The following ARHGAP10 variants were observed in gnomAD, a reference collection of about 807,000 sequenced individuals.
ARHGAP10 encodes rho GTPase-activating protein 10.
A neutral mutation model predicts 108.6 loss-of-function variants in ARHGAP10; 87 were observed. That is an observed-to-expected ratio of 0.80 (90% confidence interval 0.67 to 0.96). ARHGAP10 has a LOEUF of 0.96. Among genes scored for constraint, ARHGAP10 ranks in the 40% least tolerant of loss-of-function variants. The pLI, the probability that ARHGAP10 is intolerant of heterozygous loss-of-function variation, is 0.00. For missense variants in ARHGAP10, 939 were observed against 954.5 expected, an observed-to-expected ratio of 0.98 and a Z score of 0.21; for synonymous variants, 347 against 341.1, an observed-to-expected ratio of 1.02 and a Z score of -0.19.
intron 1 of ARHGAP10, among the ~76,000 whole-genome samples, chr4:147,769,406 T>A (rs962075868): frequency 1.3e-5 from 2 of 152,212 alleles, no homozygotes; most frequent in African/African-American, 2.4e-5. Flanking sequence ...AAGGTTTTCA[T>A]GTTTCTCTGT....
At chr4:147,900,728 C>A (rs1426772792) in intron 10 of ARHGAP10, among the ~76,000 whole-genome samples, 1 of 152,152 alleles carries the variant, frequency 6.6e-6, no homozygotes, top group Non-Finnish European at 1.5e-5. Context: ...CTAATGGAGT[C>A]ACTAGTGTTA....
intron 1 of ARHGAP10, among the ~76,000 whole-genome samples, chr4:147,783,331 T>C (rs926867740): frequency 7.0e-6 from 1 of 141,956 alleles, no homozygotes; most frequent in African/African-American, 2.5e-5. Context: ...TTATGTATTG[T>C]ATAATTTATA....
intron 18 of ARHGAP10, among the ~76,000 whole-genome samples, chr4:148,022,642 CATT>C (rs1407558642): frequency 2.0e-5 from 3 of 151,994 alleles, no homozygotes; most frequent in Non-Finnish European, 4.4e-5. Flanking sequence ...CTGTGAATGA[CATT>C]ATAGATAGAT....
At chr4:147,936,265 T>C (rs187960158) in intron 13 of ARHGAP10, among the ~76,000 whole-genome samples, 358 of 152,094 alleles carry the variant, frequency 2.4e-3, no homozygotes, top group Non-Finnish European at 4.4e-3. Context: ...CTTAGCAACT[T>C]TCTTTTCTTT....
chr4:147,747,236 A>G (rs1355568884), intron 1 of ARHGAP10, among the ~76,000 whole-genome samples: 1 of 151,984 alleles, frequency 6.6e-6, no homozygotes, highest in East Asian at 1.9e-4. Flanking sequence ...TTGGATGTCT[A>G]CAGGGAATAA....
chr4:148,008,341 T>A (rs188940167), intron 18 of ARHGAP10, among the ~76,000 whole-genome samples: 1 of 152,220 alleles, frequency 6.6e-6, no homozygotes, highest in Admixed American at 6.6e-5. Flanking sequence ...TAACAGTTAC[T>A]GAATTAGAGC....
intron 1 of ARHGAP10, among the ~76,000 whole-genome samples, chr4:147,794,694 C>T (rs1340551117): frequency 1.3e-5 from 2 of 152,194 alleles, no homozygotes; most frequent in Admixed American, 6.5e-5. Flanking sequence ...TGTTCATTCC[C>T]ATTGCCATTG....
chr4:147,844,233 T>TATG (rs1733540965), intron 3 of ARHGAP10, among the ~76,000 whole-genome samples: 1 of 152,174 alleles, frequency 6.6e-6, no homozygotes, highest in Non-Finnish European at 1.5e-5. Context: ...TATATATATT[T>TATG]ATGGGGTTAT....
rs113701023 is a variant in ARHGAP10 at position 147,827,751 on chromosome 4, G to A, written c.312+4794G>A. On this transcript the variant is annotated intron_variant, in intron 3 of 22. Transcript: ENST00000336498. ...AAGGAATGCAAAATGACTGTAAAAT[G>A]GAGGTAGAAATAGTCTAAAATTGGT... is the stretch of plus-strand genomic sequence containing the variant. Among the ~76,000 whole-genome samples the A allele has an allele frequency of 3.1e-3, 468 of 152,242 alleles. 1 individual carries two copies. The highest frequency in any genetic ancestry group is 0.01 in the African/African-American group (435 of 41,540).
chr4:147,862,608 G>C (rs1734370692), intron 5 of ARHGAP10: 1 of 152,262 alleles, frequency 6.6e-6, no homozygotes, highest in African/African-American at 2.4e-5. Context: ...CAGGGATTCT[G>C]GTGATTTAAT....
chr4:147,831,574 G>A (rs889975449), intron 3 of ARHGAP10, among the ~76,000 whole-genome samples: 2 of 152,184 alleles, frequency 1.3e-5, no homozygotes, highest in Admixed American at 1.3e-4. Context: ...ACTTATTTGT[G>A]AGAACATTTC....
At chr4:147,757,480 G>A (rs1385043133) in intron 1 of ARHGAP10, among the ~76,000 whole-genome samples, 1 of 152,166 alleles carries the variant, frequency 6.6e-6, no homozygotes, top group African/African-American at 2.4e-5. Context: ...ACAGGTGTGA[G>A]CCACCGCGCC....
intron 3 of ARHGAP10, among the ~76,000 whole-genome samples, chr4:147,826,082 G>A (rs1732697053): frequency 6.6e-6 from 1 of 152,200 alleles, no homozygotes; most frequent in African/African-American, 2.4e-5. Flanking sequence ...CTTTTCAGTA[G>A]GATACTGCAC....
intron 16 of ARHGAP10, among the ~76,000 whole-genome samples, chr4:147,960,939 T>G (rs2126991115): frequency 6.6e-6 from 1 of 152,370 alleles, no homozygotes; most frequent in African/African-American, 2.4e-5. Flanking sequence ...CACAATAGAT[T>G]TATCTGTTCT....
At chr4:147,975,414 C>T (rs993473546) in intron 18 of ARHGAP10, among the ~76,000 whole-genome samples, 2 of 152,168 alleles carry the variant, frequency 1.3e-5, no homozygotes, top group African/African-American at 2.4e-5. Flanking sequence ...TCCCATATGT[C>T]TTAGTCTGTA....
chr4:147,982,685 G>A (rs914659777), intron 18 of ARHGAP10, among the ~76,000 whole-genome samples: 6 of 151,138 alleles, frequency 4.0e-5, no homozygotes, highest in Admixed American at 1.3e-4. Context: ...ACAGGTGTGA[G>A]CCACCACACC....
intron 9 of ARHGAP10, among the ~76,000 whole-genome samples, chr4:147,879,930 T>G (rs1411303335): frequency 6.6e-6 from 1 of 152,232 alleles, no homozygotes; most frequent in African/African-American, 2.4e-5. Context: ...GACTTGCTGT[T>G]CATAGCCTGA....
chr4:147,816,087 A>G (rs1732231315), intron 1 of ARHGAP10, among the ~76,000 whole-genome samples: 1 of 152,138 alleles, frequency 6.6e-6, no homozygotes, highest in African/African-American at 2.4e-5. Flanking sequence ...GTGGCCAAAG[A>G]CAGTTGGAAA....
chr4:147,856,126 G>A (rs1734073421), intron 4 of ARHGAP10, among the ~76,000 whole-genome samples: 1 of 152,192 alleles, frequency 6.6e-6, no homozygotes, highest in Non-Finnish European at 1.5e-5. Flanking sequence ...ACTCAAGAAT[G>A]TTTATTAAAA....
Sources: allele counts gnomAD v4.1 joint callset (sites outside exome capture counted in the v4.1 genomes callset), GRCh38; gene constraint gnomAD v4.1.1; transcripts MANE v1.5; gene names NCBI Gene and HGNC (gene_info 2026-07-23, HGNC 2026-07-21).